XXYLT1: variants seen among roughly 807,000 people sequenced by gnomAD.
XXYLT1 encodes the protein UDP-xylose:alpha-xyloside alpha-1,3-xylosyltransferase.
XXYLT1 carries 20 observed loss-of-function variants against 28.9 expected under a neutral mutation model. That is an observed-to-expected ratio of 0.69 (90% CI 0.49 to 1.00). The LOEUF (loss-of-function observed/expected upper bound fraction) is 1.00, where lower values mean the gene tolerates loss of function less well. Among genes scored for constraint, XXYLT1 ranks in the 50% least tolerant of loss-of-function variants. The pLI is 0.00. For missense variants in XXYLT1, 542 were observed against 560.1 expected (o/e 0.97, Z 0.33); for synonymous variants, 257 against 253.8 (o/e 1.01, Z -0.12).
chr3:195,124,754 G>A lies in XXYLT1; in HGVS notation c.785+31695C>T, dbSNP rs79953661. Among the ~76,000 whole-genome samples, 2,226 of 152,218 alleles carry A rather than the reference G, an allele frequency of 0.015. 62 individuals are homozygous for A. The highest frequency in any genetic ancestry group is 0.051 in the African/African-American group (2,118 of 41,526). On this transcript the variant is annotated intron_variant, in intron 3 of 3. Transcript: ENST00000310380. The surrounding 1 kb of genome is among the most constrained non-coding windows in gnomAD (Gnocchi z 4.1). ...TATCACAAGACTGCCCTCGCTGGCCGGGACACAGTCAGCCAGGTTCCAGGG... is the reference window on the plus strand; with the variant it reads ...TATCACAAGACTGCCCTCGCTGGCCAGGACACAGTCAGCCAGGTTCCAGGG...
intron 1 of XXYLT1, among the ~76,000 whole-genome samples, chr3:195,264,795 T>C (rs966281982): frequency 2.6e-5 from 4 of 152,174 alleles, no homozygotes. Flanking sequence ...CCGGGCGTGT[T>C]GGCTCACAAC....
chr3:195,134,891 G>A (rs965876933), intron 3 of XXYLT1, among the ~76,000 whole-genome samples: 19 of 151,004 alleles, frequency 1.3e-4, no homozygotes, highest in East Asian at 4.0e-4. Flanking sequence ...GTGCGCGCAC[G>A]TGCAAAGAGC....
At chr3:195,171,958 A>G (rs1226235460) in intron 2 of XXYLT1, among the ~76,000 whole-genome samples, 1 of 152,258 alleles carries the variant, frequency 6.6e-6, no homozygotes, top group Non-Finnish European at 1.5e-5. Flanking sequence ...GATTTCAGTT[A>G]TAAAGCCAGG....
In XXYLT1 at chr3:195,070,026, C is replaced by A; in HGVS notation, c.871G>T (p.Gly291Trp). ...PPEGLPGFNS[G>W]VMLLNLEAMR... ...GCCTCCAGGTTCAGCAACATCACCCCGCTGTTGAAGCCCGGCAGCCCCTCG... is the reference window on the plus strand; with the variant it reads ...GCCTCCAGGTTCAGCAACATCACCCAGCTGTTGAAGCCCGGCAGCCCCTCG... The change falls in exon 4 of 4, where the codon GGG (glycine) becomes TGG (tryptophan). Residue 291 changes from glycine (G) to tryptophan (W), a missense_variant. Physicochemically the swap from Gly to Trp is radical, Grantham distance 184 (BLOSUM62 -2). Coordinates refer to ENST00000310380, the MANE Select transcript of XXYLT1 (RefSeq NM_152531.5). 6.2e-7 allele frequency: 1 copy of A among 1,603,308 alleles called. No homozygotes were observed. Among genetic ancestry groups the A allele is most frequent in the Non-Finnish European group, 8.5e-7 (1 of 1,179,618 alleles).
intron 3 of XXYLT1, among the ~76,000 whole-genome samples, chr3:195,111,712 G>A (rs1448710364): frequency 6.6e-6 from 1 of 152,152 alleles, no homozygotes; most frequent in South Asian, 2.1e-4. Context: ...TTTTCTCACA[G>A]AATTCCACTG....
intron 1 of XXYLT1, among the ~76,000 whole-genome samples, chr3:195,246,316 T>C (rs1436226149): frequency 6.6e-6 from 1 of 152,200 alleles, no homozygotes; most frequent in East Asian, 1.9e-4. Context: ...CTGTGCCAAG[T>C]GTGGCCAGAC....
intron 3 of XXYLT1, among the ~76,000 whole-genome samples, chr3:195,088,303 G>A (rs1176753549): frequency 1.3e-5 from 2 of 150,156 alleles, no homozygotes; most frequent in Non-Finnish European, 3.0e-5. Flanking sequence ...GCTTTGAAGA[G>A]AGCAGTGGTT....
intron 2 of XXYLT1, among the ~76,000 whole-genome samples, chr3:195,185,509 T>G (rs1017042952): frequency 2.0e-5 from 3 of 151,344 alleles, no homozygotes. Context: ...CTGGGTTTTT[T>G]TTTTTTTTTT....
chr3:195,147,883 A>C (rs1719951851), intron 3 of XXYLT1: 1 of 152,220 alleles, frequency 6.6e-6, no homozygotes, highest in Non-Finnish European at 1.5e-5. Context: ...CGACGTGGTG[A>C]ACTTTTAAAA....
At chr3:195,270,496 G>A (rs2108864346) in intron 1 of XXYLT1, 59 bp downstream of exon 1, 3 of 1,351,452 alleles carry the variant, frequency 2.2e-6, no homozygotes, top group African/African-American at 3.1e-5. Flanking sequence ...AGCGCAAACT[G>A]ACCTCGCCTA....
intron 2 of XXYLT1, among the ~76,000 whole-genome samples, chr3:195,160,468 A>T (rs190186261): frequency 1.3e-5 from 2 of 152,346 alleles, no homozygotes; most frequent in South Asian, 2.1e-4. Flanking sequence ...GCATTAAGCT[A>T]TGTGACTCCA....
intron 3 of XXYLT1, chr3:195,087,452 G>A (rs11928059): frequency 0.16 from 23,651 of 152,192 alleles, 2,064 homozygotes; most frequent in East Asian, 0.28. Flanking sequence ...TCCCCACTGC[G>A]CGCTCTATTC....
At chr3:195,251,790 A>G (rs1461255070) in intron 1 of XXYLT1, among the ~76,000 whole-genome samples, 3 of 152,152 alleles carry the variant, frequency 2.0e-5, no homozygotes, top group South Asian at 4.1e-4. Flanking sequence ...GAGAACATGG[A>G]ATGGGAAGGG....
rs9883144 is a variant in XXYLT1 at position 195,173,993 on chromosome 3, A to G, written c.653-17412T>C. Among the ~76,000 whole-genome samples, 12,492 of 152,280 alleles carry G rather than the reference A, an allele frequency of 0.082. 678 individuals carry two copies. Among genetic ancestry groups the G allele is most frequent in the East Asian group, 0.16 (834 of 5,186 alleles). Reference sequence around the variant, plus strand: ...CAGAGTGACATACTCAGAGTCCCTCAGTCAGAGGATGGAGAGGAAGCTCAA... The same window carrying G: ...CAGAGTGACATACTCAGAGTCCCTCGGTCAGAGGATGGAGAGGAAGCTCAA... On this transcript the variant is annotated intron_variant, in intron 2 of 3. Transcript: ENST00000310380. This position sits in a 1 kb window ranked among gnomAD's most constrained non-coding sequence, Gnocchi z 4.3.
At chr3:195,169,985 C>T (rs948005091) in intron 2 of XXYLT1, among the ~76,000 whole-genome samples, 23 of 94,410 alleles carry the variant, frequency 2.4e-4, no homozygotes, top group African/African-American at 7.9e-4. Flanking sequence ...CCTGCCTCAG[C>T]CTTCCAAGTA....
intron 3 of XXYLT1, among the ~76,000 whole-genome samples, chr3:195,072,453 T>C (rs1714878026): frequency 6.6e-6 from 1 of 152,084 alleles, no homozygotes; most frequent in Non-Finnish European, 1.5e-5. Context: ...AACAGTGAAC[T>C]AGCACTGAGC....
intron 3 of XXYLT1, among the ~76,000 whole-genome samples, chr3:195,071,268 G>A (rs1183992003): frequency 6.6e-6 from 1 of 152,150 alleles, no homozygotes; most frequent in Non-Finnish European, 1.5e-5. Flanking sequence ...CTCCCAGCCT[G>A]GAGATGCTGC....
chr3:195,146,804 C>T (rs560257612), intron 3 of XXYLT1: 30 of 153,078 alleles, frequency 2.0e-4, no homozygotes, highest in African/African-American at 6.7e-4. Flanking sequence ...CTAATCAGCA[C>T]AGGAGTTTTA....
chr3:195,263,905 G>A (rs1170930826), intron 1 of XXYLT1, among the ~76,000 whole-genome samples: 1 of 152,210 alleles, frequency 6.6e-6, no homozygotes, highest in Non-Finnish European at 1.5e-5. Flanking sequence ...AAACAGTGCT[G>A]AGACTATAGT....
Sources: gnomAD v4.1 joint callset for allele counts (sites outside exome capture counted in the v4.1 genomes callset) on GRCh38, gnomAD v4.1.1 for gene constraint, Gnocchi (gnomAD v3.1) non-coding constraint, MANE v1.5 for transcripts, NCBI Gene and HGNC (gene_info 2026-07-23, HGNC 2026-07-21) for gene names.